The following GBP7 variants were observed in gnomAD, a reference collection of about 807,000 sequenced individuals.
GBP7 encodes the protein guanylate-binding protein 7.
GBP7 carries 43 observed loss-of-function variants against 61.3 expected under a neutral mutation model. The ratio of observed to expected loss-of-function variants is 0.70; its 90% confidence interval spans 0.55 to 0.91. GBP7 has a LOEUF of 0.91. Among genes scored for constraint, GBP7 ranks in the 40% least tolerant of loss-of-function variants. GBP7 has a pLI of 0.00. For synonymous variants in GBP7, 267 were observed against 271.0 expected (o/e 0.99, Z 0.14); for missense variants, 717 against 740.5 (o/e 0.97, Z 0.37).
chr1:89,156,345 A>G (rs1054658736), intron 3 of GBP7, among the ~76,000 whole-genome samples: 1 of 152,230 alleles, frequency 6.6e-6, no homozygotes, highest in Non-Finnish European at 1.5e-5. Context: ...TCAAATTCAC[A>G]CATAACAATA....
At chr1:89,165,656 G>A (rs996998282) in intron 2 of GBP7, among the ~76,000 whole-genome samples, 4 of 151,848 alleles carry the variant, frequency 2.6e-5, no homozygotes, top group Non-Finnish European at 5.9e-5. Context: ...TTCTCAGCAA[G>A]CTAACGCAGG....
intron 9 of GBP7, 96 bp downstream of exon 9, chr1:89,141,450 A>C: frequency 4.9e-6 from 5 of 1,030,194 alleles, no homozygotes; most frequent in Non-Finnish European, 7.2e-6. Flanking sequence ...TATGAGAAGA[A>C]AGCTCCTGGT....
At chr1:89,147,917 G>A in intron 7 of GBP7, 138 bp from the exon 8 acceptor site, 5 of 813,272 alleles carry the variant, frequency 6.1e-6, no homozygotes, top group Non-Finnish European at 7.8e-6. Flanking sequence ...CAGAAGACTT[G>A]TTTTAGTTCC....
rs113831821 is a variant in GBP7 at position 89,132,458 on chromosome 1, G to T, written c.1663-55C>A. The stretch of plus-strand genomic sequence containing the variant: ...AATCCCCAATTTTTAAGAGACCGAG[G>T]TTTGTATTTAACAATTTCATTAGTT... On this transcript the variant is annotated intron_variant, in intron 10 of 10. Transcript: ENST00000294671. The T allele has an allele frequency of 4.0e-3, 5,319 of 1,344,862 alleles. 158 individuals carry two copies. In the African/African-American group the frequency reaches 0.068, roughly 17 times the overall value. The allele number at this position is 1,344,862 out of a possible 1,614,324, so 83.3% of individuals were successfully genotyped here. A position where few individuals can be genotyped will look rare whatever the true frequency, so the allele number is the denominator to read the frequency against.
chr1:89,157,257 G>C (rs1306759481), intron 3 of GBP7, among the ~76,000 whole-genome samples: 1 of 152,146 alleles, frequency 6.6e-6, no homozygotes, highest in Non-Finnish European at 1.5e-5. Flanking sequence ...AAGCAGGAAA[G>C]ATCTAAAATT....
At chr1:89,132,505 A>C in intron 10 of GBP7, 102 bp from the exon 11 acceptor site, 3 of 852,658 alleles carry the variant, frequency 3.5e-6, no homozygotes, top group Admixed American at 5.3e-5. Flanking sequence ...CATTTCTCTA[A>C]CATCTTAGAA....
chr1:89,150,230 T>G, intron 6 of GBP7, 100 bp downstream of exon 6: 1 of 1,103,126 alleles, frequency 9.1e-7, no homozygotes, highest in Non-Finnish European at 1.3e-6. Context: ...ATAACACAGA[T>G]GTTATCTCCT....
chr1:89,133,678 G>T (rs1340863283), intron 9 of GBP7, among the ~76,000 whole-genome samples: 6 of 152,160 alleles, frequency 3.9e-5, no homozygotes, highest in African/African-American at 1.4e-4. Flanking sequence ...CCTTGCACAG[G>T]TTGCCAAGCA....
Position 89,152,301 on chromosome 1 carries a change from C to T in GBP7, c.592G>A (p.Glu198Lys). The change falls in exon 5 of 11, where the codon GAG (glutamate) becomes AAG (lysine). Residue 198 changes from glutamate to lysine, a missense_variant. By Grantham distance (56) the Glu-to-Lys change is moderately conservative. Around this residue, in one of 3 missense-constraint regions of GBP7, gnomAD observed 387 missense variants for 385.2 expected, o/e 1.00. Coordinates refer to ENST00000294671, the MANE Select transcript of GBP7 (RefSeq NM_207398.3). ...KLDGHPITED[E>K]YLENALKLIS... is the part of the protein sequence containing the mutation. ...AGCTTCAAGGCATTCTCCAGGTACT[C>T]ATCTTCTGTGATGGGGTGTCCATCT... 4 of 1,614,128 alleles carry T rather than the reference C, an allele frequency of 2.5e-6. No homozygotes were observed. The highest frequency in any genetic ancestry group is 3.4e-6 in the Non-Finnish European group (4 of 1,179,998).
chr1:89,154,981 G>A (rs572858924), intron 3 of GBP7, among the ~76,000 whole-genome samples: 87 of 152,176 alleles, frequency 5.7e-4, no homozygotes, highest in African/African-American at 1.9e-3. Context: ...CAAACAGCCG[G>A]GTGCCCCTCT....
intron 8 of GBP7, among the ~76,000 whole-genome samples, chr1:89,143,456 A>G (rs932410158): frequency 1.3e-5 from 2 of 152,192 alleles, no homozygotes; most frequent in Admixed American, 1.3e-4. Flanking sequence ...AGTTTTTTGG[A>G]CACTACTGTT....
chr1:89,142,316 G>A (rs1445618863), intron 8 of GBP7, among the ~76,000 whole-genome samples: 2 of 152,074 alleles, frequency 1.3e-5, no homozygotes, highest in Non-Finnish European at 1.5e-5. Context: ...CAAGTTCAAT[G>A]GTATTATCAC....
Position 89,139,206 on chromosome 1 carries a change from A to G in GBP7, c.1468+2340T>C, listed in dbSNP as rs372629985. On this transcript the variant is annotated intron_variant, in intron 9 of 10. Coordinates refer to ENST00000294671, the MANE Select transcript of GBP7 (RefSeq NM_207398.3). ...ACAAGCAATGGGGAAAGGATTCCCT[A>G]TTTCATAAATGGTGCTGGGAAAACT... Among the ~76,000 whole-genome samples the G allele has an allele frequency of 4.6e-4, 70 of 152,332 alleles. No individual in the cohort carries two copies. In the East Asian group the frequency reaches 0.012, roughly 26 times the overall value.
intron 9 of GBP7, 86 bp from the exon 10 acceptor site, chr1:89,133,537 G>T: frequency 9.1e-7 from 1 of 1,102,170 alleles, no homozygotes; most frequent in Non-Finnish European, 1.3e-6. Context: ...GAGTCAGGAA[G>T]AGCTTCTCCC....
chr1:89,136,565 G>A (rs1367943186), intron 9 of GBP7, among the ~76,000 whole-genome samples: 1 of 151,976 alleles, frequency 6.6e-6, no homozygotes, highest in African/African-American at 2.4e-5. Flanking sequence ...ATGATTTTGG[G>A]GTAAACAGTG....
chr1:89,156,008 C>T (rs1181880610), intron 3 of GBP7, among the ~76,000 whole-genome samples: 2 of 152,212 alleles, frequency 1.3e-5, no homozygotes, highest in African/African-American at 4.8e-5. Context: ...TAGCAGATCT[C>T]TTGGCAGAAA....
At chr1:89,163,396 CT>C (rs79742670) in intron 3 of GBP7, among the ~76,000 whole-genome samples, 259 of 136,904 alleles carry the variant, frequency 1.9e-3, no homozygotes, top group Middle Eastern at 3.8e-3. Context: ...TGTTTCTGGG[CT>C]TTTTTTTTTT....
At chr1:89,133,490 G>A in intron 9 of GBP7, 39 bp from the exon 10 acceptor site, 4 of 1,565,730 alleles carry the variant, frequency 2.6e-6, no homozygotes, top group Non-Finnish European at 3.5e-6. Context: ...GAAAATAACA[G>A]TCAGGTGGGA....
intron 3 of GBP7, among the ~76,000 whole-genome samples, chr1:89,153,467 T>C (rs1682249163): frequency 6.6e-6 from 1 of 152,214 alleles, no homozygotes; most frequent in Non-Finnish European, 1.5e-5. Context: ...GCATAGTAAG[T>C]ATGTAGTAAT....
Sources: gnomAD v4.1 joint callset for allele counts (sites outside exome capture counted in the v4.1 genomes callset) on GRCh38, gnomAD v4.1.1 for gene constraint, gnomAD v4.1.1 regional missense constraint, MANE v1.5 for transcripts, NCBI Gene and HGNC (gene_info 2026-07-23, HGNC 2026-07-21) for gene names.